Variants in WDPCP observed in about 807,000 individuals in gnomAD.
The protein encoded by WDPCP is WD repeat-containing and planar cell polarity effector protein fritz homolog.
Under a neutral mutation model 93.1 loss-of-function variants are expected in WDPCP, and 71 were observed. That is an observed-to-expected ratio of 0.76 (90% CI 0.63 to 0.93). The LOEUF is 0.93. Among genes scored for constraint, WDPCP ranks in the 40% least tolerant of loss-of-function variants. WDPCP has a pLI of 0.00. For synonymous variants in WDPCP, 315 were observed against 315.0 expected (o/e 1.00, Z 0.00); for missense variants, 844 against 887.4 (o/e 0.95, Z 0.62).
intron 1 of WDPCP, among the ~76,000 whole-genome samples, chr2:63,504,224 A>G (rs1701726081): frequency 6.6e-6 from 1 of 151,994 alleles, no homozygotes; most frequent in Non-Finnish European, 1.5e-5. Flanking sequence ...TAACATGGGG[A>G]ATAGAAACGT....
chr2:63,392,376 A>G (rs1206854279), intron 10 of WDPCP, among the ~76,000 whole-genome samples: 1 of 152,242 alleles, frequency 6.6e-6, no homozygotes, highest in Non-Finnish European at 1.5e-5. Context: ...ACCTTATACA[A>G]AAGTTAATTC....
chr2:63,647,918 G>T (rs1710070670), intron 3 of WDPCP, among the ~76,000 whole-genome samples: 1 of 152,142 alleles, frequency 6.6e-6, no homozygotes, highest in African/African-American at 2.4e-5. Flanking sequence ...TGGGGCTCAA[G>T]AATCTATATC....
chr2:63,519,909 A>T (rs1330477321), intron 1 of WDPCP, among the ~76,000 whole-genome samples: 1 of 152,190 alleles, frequency 6.6e-6, no homozygotes, highest in Non-Finnish European at 1.5e-5. Context: ...CAGATACAGA[A>T]TTCAGAATAT....
At chr2:63,255,778 A>G (rs1354922185) in intron 14 of WDPCP, among the ~76,000 whole-genome samples, 1 of 152,174 alleles carries the variant, frequency 6.6e-6, no homozygotes, top group Non-Finnish European at 1.5e-5. Context: ...TCCAGACGAC[A>G]TGATGTGGAT....
At chr2:63,339,463 G>A (rs575949773) in intron 12 of WDPCP, among the ~76,000 whole-genome samples, 1 of 152,262 alleles carries the variant, frequency 6.6e-6, no homozygotes, top group South Asian at 2.1e-4. Context: ...GTGAGCCACC[G>A]TGCACAGCCT....
At chr2:63,658,963 A>G (rs901881622) in intron 2 of WDPCP, among the ~76,000 whole-genome samples, 8 of 152,248 alleles carry the variant, frequency 5.3e-5, no homozygotes, top group Non-Finnish European at 1.2e-4. Flanking sequence ...AAGTAAACAA[A>G]TCAACTCCAA....
chr2:63,705,705 C>T lies in WDPCP; in HGVS notation n.309-54867G>A, dbSNP rs1272466875. ...GTTCTTTTATATTTGCTGAGGAGTG[C>T]TTTACTTCCAACTATGTGGTCAATT... On this transcript the variant is annotated intron_variant and non_coding_transcript_variant, in intron 2 of 4. Transcript: ENST00000467687. 2.0e-5 allele frequency among the ~76,000 whole-genome samples: 3 copies of T among 150,392 alleles called. No homozygotes were observed. The Admixed American group carries it at 2.0e-4, about 10-fold the overall frequency.
intron 12 of WDPCP, among the ~76,000 whole-genome samples, chr2:63,321,784 T>C (rs1376271997): frequency 1.3e-5 from 2 of 152,194 alleles, no homozygotes; most frequent in Non-Finnish European, 2.9e-5. Flanking sequence ...TAAAAAATTG[T>C]TTTGATTTCA....
chr2:63,813,219 G>A (rs868693497), intron 2 of WDPCP, among the ~76,000 whole-genome samples: 1 of 152,076 alleles, frequency 6.6e-6, no homozygotes, highest in African/African-American at 2.4e-5. Context: ...CAATAGCCCA[G>A]GTGAGAAATG....
At chr2:63,754,255 A>T (rs1021408737) in intron 2 of WDPCP, among the ~76,000 whole-genome samples, 4 of 152,212 alleles carry the variant, frequency 2.6e-5, no homozygotes, top group African/African-American at 9.7e-5. Flanking sequence ...GCTGTAAGCT[A>T]TTACCAGCCA....
intron 2 of WDPCP, among the ~76,000 whole-genome samples, chr2:63,775,652 C>G (rs1050647606): frequency 6.6e-6 from 1 of 152,178 alleles, no homozygotes; most frequent in South Asian, 2.1e-4. Flanking sequence ...ATTATGCTAT[C>G]CTGGATCCTT....
chr2:63,186,372 C>T (rs941056309), intron 14 of WDPCP, among the ~76,000 whole-genome samples: 2 of 152,214 alleles, frequency 1.3e-5, no homozygotes, highest in East Asian at 3.9e-4. Flanking sequence ...CCTCCAGTCC[C>T]AGCACTCCAT....
intron 17 of WDPCP, 56 bp downstream of exon 17, chr2:63,152,858 T>A (rs1671977119): frequency 6.6e-7 from 1 of 1,523,356 alleles, no homozygotes; most frequent in African/African-American, 1.4e-5. Flanking sequence ...ATCACATACA[T>A]TATGCTTTTC....
At chr2:63,771,003 T>G (rs572123195) in intron 2 of WDPCP, among the ~76,000 whole-genome samples, 2 of 151,758 alleles carry the variant, frequency 1.3e-5, no homozygotes, top group East Asian at 3.8e-4. Context: ...ATAATAGTTA[T>G]AAGTAAATTT....
intron 2 of WDPCP, among the ~76,000 whole-genome samples, chr2:63,680,502 C>G (rs962782190): frequency 2.0e-5 from 3 of 152,172 alleles, no homozygotes; most frequent in African/African-American, 7.2e-5. Flanking sequence ...GCATTTGGAC[C>G]AGCCCTGGCC....
At chr2:63,795,667 C>T (rs1670604749) in intron 2 of WDPCP, among the ~76,000 whole-genome samples, 1 of 152,098 alleles carries the variant, frequency 6.6e-6, no homozygotes, top group Non-Finnish European at 1.5e-5. Context: ...TTAGGGCTTT[C>T]ACTAAAAACC....
intron 13 of WDPCP, among the ~76,000 whole-genome samples, chr2:63,272,470 A>G (rs549528950): frequency 7.0e-4 from 106 of 152,360 alleles, no homozygotes; most frequent in Non-Finnish European, 1.4e-3. Context: ...CTGTCAAAAG[A>G]ACATAATAAT....
chr2:63,675,491 G>A (rs1710394813), intron 2 of WDPCP, among the ~76,000 whole-genome samples: 1 of 152,158 alleles, frequency 6.6e-6, no homozygotes, highest in Non-Finnish European at 1.5e-5. Flanking sequence ...TCTAACTGCT[G>A]TTCAAGCTCT....
At chr2:63,130,192 A>G (rs1278269878) in intron 17 of WDPCP, among the ~76,000 whole-genome samples, 2 of 152,118 alleles carry the variant, frequency 1.3e-5, no homozygotes, top group East Asian at 3.8e-4. Context: ...ATCGTTGCCA[A>G]ATTCAATGCT....
Sources: allele counts gnomAD v4.1 joint callset (sites outside exome capture counted in the v4.1 genomes callset), GRCh38; gene constraint gnomAD v4.1.1; transcripts MANE v1.5; gene names NCBI Gene and HGNC (gene_info 2026-07-23, HGNC 2026-07-21).